The following BTN2A2 variants were observed in gnomAD, a reference collection of about 807,000 sequenced individuals.
The protein encoded by BTN2A2 is butyrophilin subfamily 2 member A2.
In BTN2A2, 29 loss-of-function variants were observed where a neutral mutation model predicts 34.7. That is an observed-to-expected ratio of 0.84 (90% CI 0.62 to 1.14). BTN2A2 has a LOEUF of 1.14. Among genes scored for constraint, BTN2A2 ranks in the 50% most tolerant of loss-of-function variants. The pLI is 0.00. For synonymous variants in BTN2A2, 240 were observed against 253.1 expected (o/e 0.95, Z 0.49); for missense variants, 612 against 651.5 (o/e 0.94, Z 0.66).
chr6:26,392,661 G>A lies in BTN2A2; in HGVS notation c.1266G>A (p.Met422Ile). 6.2e-7 allele frequency: 1 copy of A among 1,614,208 alleles called. No homozygotes were observed. The highest frequency in any genetic ancestry group is 8.5e-7 in the Non-Finnish European group (1 of 1,180,034). The stretch of plus-strand genomic sequence containing the variant: ...AGAATGGCTTCTGGACCCTGGAGAT[G>A]TTTGGAAACCAATACCGGGCCCTGT... ...IPQNGFWTLE[M>I]FGNQYRALSS... The change falls in exon 8 of 8, where the codon ATG (methionine) becomes ATA (isoleucine). Residue 422 changes from methionine (M) to isoleucine (I), a missense_variant. Transcript: ENST00000356709.
chr6:26,389,282 C>T (rs1460311132), intron 4 of BTN2A2, among the ~76,000 whole-genome samples: 3 of 152,026 alleles, frequency 2.0e-5, no homozygotes, highest in Admixed American at 2.0e-4. Flanking sequence ...TGTGAGGCAT[C>T]AGAATTATTA....
chr6:26,393,031 A>G lies in BTN2A2; in HGVS notation c.*64A>G. ...TGGCCATCTCAGCAGCCACCGCACA[A>G]CCCCCCTAATGAAAGACACGCCCTC... On this transcript the variant is annotated 3_prime_UTR_variant, in exon 8 of 8. Transcript: ENST00000356709. The G allele has an allele frequency of 6.2e-7, 1 of 1,612,362 alleles. No homozygotes were observed.
Position 26,393,183 on chromosome 6 carries a change from G to A in BTN2A2, c.*216G>A. 4.5e-6 allele frequency: 7 copies of A among 1,565,780 alleles called. No individual in the cohort carries two copies. Among genetic ancestry groups the A allele is most frequent in the Non-Finnish European group, 5.2e-6 (6 of 1,158,484 alleles). ...GTAGTTCCTTTGCTTGTAATTATGG[G>A]ATGGGATCCAGGCATAGGGAACTAG... On this transcript the variant is annotated 3_prime_UTR_variant, in exon 8 of 8. Transcript: ENST00000356709.
rs1228452679 is a variant in BTN2A2 at position 26,384,924 on chromosome 6, T to TTTTG, written c.95-79_95-76dup. On this transcript the variant is annotated intron_variant, in intron 2 of 7. Coordinates refer to ENST00000356709, the MANE Select transcript of BTN2A2 (RefSeq NM_006995.5). The surrounding 1 kb of genome is among the most constrained non-coding windows in gnomAD (Gnocchi z 4.0). The stretch of plus-strand genomic sequence containing the variant: ...TGCTTCCTTTCATCCCTGGAGTTTT[T>TTTTG]TTTGTTTGTTTGTTTTTGTTTTTTG... The TTTTG allele has an allele frequency of 5.3e-6, 7 of 1,325,692 alleles. No homozygotes were observed. The highest frequency in any genetic ancestry group is 3.4e-5 in the African/African-American group (2 of 58,364). 82.1% of individuals were successfully genotyped at this position (1,325,692 alleles called of 1,614,324 possible).
In BTN2A2 at chr6:26,393,602, C is replaced by G; in HGVS notation, c.*635C>G. The G allele has an allele frequency of 2.0e-6, 2 of 1,003,182 alleles. No homozygotes were observed. Among genetic ancestry groups the G allele is most frequent in the South Asian group, 8.7e-5 (2 of 23,118 alleles). 62.1% of individuals were successfully genotyped at this position (1,003,182 alleles called of 1,614,324 possible). On this transcript the variant is annotated 3_prime_UTR_variant, in exon 8 of 8. Transcript: ENST00000356709. ...GATGAAGATGAATGAAGAACATGGA[C>G]TCATGTGGATGTGGTTTGGCTCAGA... is the stretch of plus-strand genomic sequence containing the variant.
At position 26,393,939 on chromosome 6, in the gene BTN2A2, A is replaced by C. The variant is rs1455393319; in HGVS notation, c.*972A>C. ...TCAGTTATAGGTTAATGTAGATAGG[A>C]TGTTTTGTGAAAAAGCAATCTATTG... is the stretch of plus-strand genomic sequence containing the variant. On this transcript the variant is annotated 3_prime_UTR_variant, in exon 8 of 8. Coordinates refer to ENST00000356709, the MANE Select transcript of BTN2A2 (RefSeq NM_006995.5). 1.2e-5 allele frequency: 4 copies of C among 321,328 alleles called. No homozygotes were observed. The highest frequency in any genetic ancestry group is 1.9e-5 in the Non-Finnish European group (4 of 208,524). The allele number at this position is 321,328 out of a possible 1,614,324, so 19.9% of individuals were successfully genotyped here. A position where few individuals can be genotyped will look rare whatever the true frequency, so the allele number is the denominator to read the frequency against.
intron 7 of BTN2A2, chr6:26,391,993 T>C (rs1761605611): frequency 3.5e-6 from 2 of 570,832 alleles, no homozygotes; most frequent in Non-Finnish European, 6.2e-6. Context: ...ATAAAGCTTC[T>C]GTGATGGTTT....
At chr6:26,390,850 C>G in intron 7 of BTN2A2, 21 bp downstream of exon 7, 1 of 1,613,796 alleles carries the variant, frequency 6.2e-7, no homozygotes, top group African/African-American at 1.3e-5. Context: ...CTGATGTTCT[C>G]TCAGATCTCA....
chr6:26,388,014 C>T lies in BTN2A2; in HGVS notation c.444C>T (p.Gly148=). The part of the protein sequence containing the change: ...DEAILRLVVA[G]LGSKPLIEIK... The stretch of plus-strand genomic sequence containing the variant: ...CTGAGCCCTGGTCTCCCTTTCCAGG[C>T]CTTGGGTCTAAGCCCCTCATTGAAA... The change falls in exon 4 of 8, where the codon GGC becomes GGT. Residue 148 remains glycine, a splice_region_variant and synonymous_variant. Coordinates refer to ENST00000356709, the MANE Select transcript of BTN2A2 (RefSeq NM_006995.5). The T allele has an allele frequency of 1.9e-6, 3 of 1,609,872 alleles. No individual in the cohort carries two copies. Among genetic ancestry groups the T allele is most frequent in the Non-Finnish European group, 2.5e-6 (3 of 1,176,844 alleles).
rs1202934928 is a variant in BTN2A2 at position 26,388,215 on chromosome 6, C to A, written c.645C>A (p.Asp215Glu). ...FMVTTAVIIRDKYVRNVSCSV... is the reference protein window; with the variant it reads ...FMVTTAVIIREKYVRNVSCSV... ...TCACCACAGCTGTGATCATCAGAGA[C>A]AAGTATGTGAGGAATGTGTCCTGCT... Residue 215 changes from aspartate (D) to glutamate (E), a missense_variant, in exon 4 of 8, where the codon GAC becomes GAA. Asp to Glu is a conservative substitution (Grantham distance 45, BLOSUM62 2). Transcript: ENST00000356709. 3 of 1,614,164 alleles carry A rather than the reference C, an allele frequency of 1.9e-6. No homozygotes were observed. In the East Asian group the frequency reaches 6.7e-5, roughly 36 times the overall value.
Position 26,388,438 on chromosome 6 carries a change from G to A in BTN2A2, c.724+144G>A, listed in dbSNP as rs370198951. 450 of 914,974 alleles carry A rather than the reference G, an allele frequency of 4.9e-4. 2 individuals are homozygous for A. The African/African-American group carries it at 6.2e-3, about 13-fold the overall frequency. 56.7% of individuals were successfully genotyped at this position (914,974 alleles called of 1,614,324 possible). ...CTGGAGGCTGCAGCTGAGTTGAGAC[G>A]TCTCCCCTCCTCACAAAGGGAGATT... On this transcript the variant is annotated intron_variant, in intron 4 of 7. Transcript: ENST00000356709.
At position 26,392,984 on chromosome 6, in the gene BTN2A2, TCA is replaced by T; in HGVS notation, c.*20_*21del. The T allele has an allele frequency of 6.2e-7, 1 of 1,614,006 alleles. No homozygotes were observed. Among genetic ancestry groups the T allele is most frequent in the East Asian group, 2.2e-5 (1 of 44,872 alleles). On this transcript the variant is annotated 3_prime_UTR_variant, in exon 8 of 8. Coordinates refer to ENST00000356709, the MANE Select transcript of BTN2A2 (RefSeq NM_006995.5). Reference sequence around the variant, plus strand: ...AGCCTATAGAATCAATTCCTTGGACTCACAGCCATGCAGATAAGCCCTGGCCA... The same window carrying T: ...AGCCTATAGAATCAATTCCTTGGACTCAGCCATGCAGATAAGCCCTGGCCA...
intron 3 of BTN2A2, among the ~76,000 whole-genome samples, chr6:26,386,258 A>G (rs1221695206): frequency 6.6e-6 from 1 of 152,218 alleles, no homozygotes; most frequent in Non-Finnish European, 1.5e-5. Flanking sequence ...ATAGAAATGC[A>G]CTTAAACTGG....
Position 26,393,524 on chromosome 6 carries a change from T to A in BTN2A2, c.*557T>A, listed in dbSNP as rs930110156. 3.0e-6 allele frequency: 3 copies of A among 1,014,398 alleles called. No homozygotes were observed. Among genetic ancestry groups the A allele is most frequent in the Non-Finnish European group, 3.5e-6 (3 of 847,800 alleles). The allele number at this position is 1,014,398 out of a possible 1,614,324, so 62.8% of individuals were successfully genotyped here. On this transcript the variant is annotated 3_prime_UTR_variant, in exon 8 of 8. Coordinates refer to ENST00000356709, the MANE Select transcript of BTN2A2 (RefSeq NM_006995.5). ...AAGGGTCCTGGGAGATGATGGCTCA[T>A]TTCCACCCAACCCCAGGATTTCCAC... is the stretch of plus-strand genomic sequence containing the variant.
chr6:26,386,884 C>T (rs1243299208), intron 3 of BTN2A2, among the ~76,000 whole-genome samples: 1 of 152,206 alleles, frequency 6.6e-6, no homozygotes, highest in Non-Finnish European at 1.5e-5. Context: ...CCTTCAAATG[C>T]ACAACTAGCT....
chr6:26,386,739 T>C (rs1359456936), intron 3 of BTN2A2, among the ~76,000 whole-genome samples: 1 of 152,228 alleles, frequency 6.6e-6, no homozygotes. Flanking sequence ...TTGGATTGGT[T>C]GGTGGCTGAT....
Position 26,384,004 on chromosome 6 carries a change from G to T in BTN2A2, c.94+89G>T. On this transcript the variant is annotated intron_variant, in intron 2 of 7. Coordinates refer to ENST00000356709, the MANE Select transcript of BTN2A2 (RefSeq NM_006995.5). The surrounding 1 kb of genome is among the most constrained non-coding windows in gnomAD (Gnocchi z 4.0). ...AAAGGGAAAGAAGGAAGAACTGTGG[G>T]GTTGTTGACTTATCCTTTCATTCTG... 7.0e-7 allele frequency: 1 copy of T among 1,427,178 alleles called. No individual in the cohort carries two copies. Among genetic ancestry groups the T allele is most frequent in the South Asian group, 1.2e-5 (1 of 86,352 alleles). 88.4% of individuals were successfully genotyped at this position (1,427,178 alleles called of 1,614,324 possible). A position where few individuals can be genotyped will look rare whatever the true frequency, so the allele number is the denominator to read the frequency against.
chr6:26,385,552 C>CTT (rs757053830), intron 3 of BTN2A2, 190 bp downstream of exon 3: 1,266 of 425,274 alleles, frequency 3.0e-3, no homozygotes, highest in South Asian at 3.9e-3. Context: ...GGTTTCACTT[C>CTT]TTTTTTTTTT....
In BTN2A2 at chr6:26,383,423, A is replaced by G. The variant is rs1210312322; in HGVS notation, c.-31+242A>G. 4.6e-6 allele frequency: 1 copy of G among 216,296 alleles called. No individual in the cohort carries two copies. The highest frequency in any genetic ancestry group is 9.3e-6 in the Non-Finnish European group (1 of 107,536). The allele number at this position is 216,296 out of a possible 1,614,324, so 13.4% of individuals were successfully genotyped here. ...GAGAGGAGAGGGGGACCTGGGAGACAGGAAGCCTACTGGTGGGGAGGCGCA... is the reference window on the plus strand; with the variant it reads ...GAGAGGAGAGGGGGACCTGGGAGACGGGAAGCCTACTGGTGGGGAGGCGCA... On this transcript the variant is annotated intron_variant, in intron 1 of 7. Coordinates refer to ENST00000356709, the MANE Select transcript of BTN2A2 (RefSeq NM_006995.5). This position sits in a 1 kb window ranked among gnomAD's most constrained non-coding sequence, Gnocchi z 4.4.
Sources: allele counts gnomAD v4.1 joint callset (sites outside exome capture counted in the v4.1 genomes callset), GRCh38; gene constraint gnomAD v4.1.1; non-coding constraint Gnocchi (gnomAD v3.1); transcripts MANE v1.5; gene names NCBI Gene and HGNC (gene_info 2026-07-23, HGNC 2026-07-21).